PAK5: variants seen among roughly 807,000 people sequenced by gnomAD.
PAK5 encodes p21 (RAC1) activated kinase 5, also known as serine/threonine-protein kinase PAK 5.
Under a neutral mutation model 65.9 loss-of-function variants are expected in PAK5, and 16 were observed. The ratio of observed to expected loss-of-function variants is 0.24; its 90% confidence interval spans 0.16 to 0.37. The LOEUF (loss-of-function observed/expected upper bound fraction) is 0.37. Ranked by LOEUF, PAK5 falls within the 10% of genes least tolerant of loss-of-function variation. The probability of loss-of-function intolerance (pLI) is 1.00; values close to 1 mark genes in which losing one functional copy is unlikely to be tolerated. For synonymous variants in PAK5, 371 were observed against 354.9 expected (o/e 1.05, Z -0.51); for missense variants, 785 against 903.9 (o/e 0.87, Z 1.69).
rs115606741 is a variant in PAK5 at position 9,602,520 on chromosome 20, C to T, written c.205-21590G>A. 8.5e-3 allele frequency among the ~76,000 whole-genome samples: 1,298 copies of T among 152,216 alleles called. 14 individuals carry two copies. Among genetic ancestry groups the T allele is most frequent in the African/African-American group, 0.029 (1,191 of 41,546 alleles). On this transcript the variant is annotated intron_variant, in intron 3 of 9. Transcript: ENST00000353224. ...TGTCATGAATTAATTATCTTTATGG[C>T]TAGTGCTTCAGGCTGATTCGTCAGT...
intron 2 of PAK5, among the ~76,000 whole-genome samples, chr20:9,686,683 A>G (rs2047724173): frequency 6.6e-6 from 1 of 152,154 alleles, no homozygotes; most frequent in African/African-American, 2.4e-5. Flanking sequence ...GGAGGCCTCA[A>G]CATCTTTTGT....
chr20:9,629,580 T>C lies in PAK5; in HGVS notation c.204+14545A>G, dbSNP rs572681430. Among the ~76,000 whole-genome samples, 19 of 152,288 alleles carry C rather than the reference T, an allele frequency of 1.2e-4. No homozygotes were observed. In the South Asian group the frequency reaches 2.9e-3, roughly 23 times the overall value. On this transcript the variant is annotated intron_variant, in intron 3 of 9. Transcript: ENST00000353224. Reference sequence around the variant, plus strand: ...CTCAAGTGATCCTCCTGCCTTGGCCTCTCAAAGCGCTGGGATTACAGGTGT... The same window carrying C: ...CTCAAGTGATCCTCCTGCCTTGGCCCCTCAAAGCGCTGGGATTACAGGTGT...
chr20:9,687,277 T>C (rs535705428), intron 2 of PAK5, among the ~76,000 whole-genome samples: 1 of 152,374 alleles, frequency 6.6e-6, no homozygotes, highest in South Asian at 2.1e-4. Flanking sequence ...CGTATTTTTC[T>C]TTTTAGATAC....
intron 1 of PAK5, among the ~76,000 whole-genome samples, chr20:9,770,317 G>A (rs1285131067): frequency 6.6e-6 from 1 of 152,096 alleles, no homozygotes; most frequent in Non-Finnish European, 1.5e-5. Context: ...TCATTCTGAT[G>A]GCTTCTATTT....
At chr20:9,798,488 AT>A (rs1379031410) in intron 1 of PAK5, among the ~76,000 whole-genome samples, 1 of 152,102 alleles carries the variant, frequency 6.6e-6, no homozygotes, top group African/African-American at 2.4e-5. Context: ...TGATTTACAG[AT>A]TTGTGATAAG....
rs2045190789 is a variant in PAK5 at position 9,537,547 on chromosome 20, C to T, written c.*1915G>A. 1 of 208,084 alleles carries T rather than the reference C, an allele frequency of 4.8e-6. No individual in the cohort carries two copies. Among genetic ancestry groups the T allele is most frequent in the Non-Finnish European group, 9.8e-6 (1 of 102,020 alleles). 12.9% of individuals were successfully genotyped at this position (208,084 alleles called of 1,614,324 possible). ...TACAGAAAAATTTCCATTACACTGT[C>T]GAAAATGTTTGGAATCCAAAATCCA... On this transcript the variant is annotated 3_prime_UTR_variant, in exon 10 of 10. Transcript: ENST00000353224.
chr20:9,726,480 G>A (rs2048278948), intron 1 of PAK5, among the ~76,000 whole-genome samples: 1 of 152,220 alleles, frequency 6.6e-6, no homozygotes, highest in South Asian at 2.1e-4. Flanking sequence ...CATCTACCTT[G>A]GGTGTTGTGT....
chr20:9,627,953 G>A (rs2046869921), intron 3 of PAK5, among the ~76,000 whole-genome samples: 1 of 152,138 alleles, frequency 6.6e-6, no homozygotes, highest in South Asian at 2.1e-4. Flanking sequence ...TAAGAACTCT[G>A]AGAACTCACA....
chr20:9,581,030 G>A (rs1030905493), intron 3 of PAK5, 100 bp from the exon 4 acceptor site: 2 of 821,154 alleles, frequency 2.4e-6, no homozygotes, highest in African/African-American at 3.4e-5. Context: ...AACTACAGAA[G>A]AAAAAAGACC....
At chr20:9,805,973 A>G (rs1320651735) in intron 1 of PAK5, among the ~76,000 whole-genome samples, 1 of 151,952 alleles carries the variant, frequency 6.6e-6, no homozygotes, top group East Asian at 1.9e-4. Context: ...AAGATTTTAC[A>G]TCTGTTTTTG....
intron 1 of PAK5, among the ~76,000 whole-genome samples, chr20:9,768,318 T>C (rs1225258491): frequency 6.6e-6 from 1 of 151,702 alleles, no homozygotes; most frequent in Non-Finnish European, 1.5e-5. Flanking sequence ...GACATAAACA[T>C]AGGAACGATA....
At chr20:9,771,582 A>ATTTTTTTTTTTTTTTTTTG in intron 1 of PAK5, among the ~76,000 whole-genome samples, 1 of 109,756 alleles carries the variant, frequency 9.1e-6, no homozygotes, top group Non-Finnish European at 1.8e-5. Context: ...CAATTTTTTA[A>ATTTTTTTTTTTTTTTTTTG]TTTTTTTTTT....
intron 2 of PAK5, among the ~76,000 whole-genome samples, chr20:9,652,901 C>T (rs1459133533): frequency 6.6e-6 from 1 of 152,160 alleles, no homozygotes; most frequent in Non-Finnish European, 1.5e-5. Context: ...TGGATCTTAC[C>T]TGTCTGCTGG....
At chr20:9,653,781 T>A (rs1000013323) in intron 2 of PAK5, among the ~76,000 whole-genome samples, 1 of 152,106 alleles carries the variant, frequency 6.6e-6, no homozygotes, top group Admixed American at 6.6e-5. Context: ...AACATGAGTC[T>A]CACCTGGTAA....
Position 9,566,067 on chromosome 20 carries a change from C to T in PAK5, c.1308G>A (p.Leu436=), listed in dbSNP as rs2045671951. 1 of 1,613,836 alleles carries T rather than the reference C, an allele frequency of 6.2e-7. No homozygotes were observed. The highest frequency in any genetic ancestry group is 8.5e-7 in the Non-Finnish European group (1 of 1,180,004). The change falls in exon 5 of 10, where the codon CTG becomes CTA. Residue 436 remains leucine (L), a synonymous_variant. Coordinates refer to ENST00000353224, the MANE Select transcript of PAK5 (RefSeq NM_177990.4). Reference sequence around the variant, plus strand: ...GGTCTCCTGGGCTGACCACCAGCTGCAGGGCCGCCCGAAACTGTTCATGGG... The same window carrying T: ...GGTCTCCTGGGCTGACCACCAGCTGTAGGGCCGCCCGAAACTGTTCATGGG... ...RVSHEQFRAA[L]QLVVSPGDPR...
At chr20:9,726,715 C>T (rs1415467239) in intron 1 of PAK5, among the ~76,000 whole-genome samples, 8 of 152,030 alleles carry the variant, frequency 5.3e-5, no homozygotes, top group East Asian at 1.9e-4. Flanking sequence ...ACCTAATGCA[C>T]GCAGGGCTTA....
chr20:9,574,065 C>A (rs2045841622), intron 4 of PAK5, among the ~76,000 whole-genome samples: 5 of 152,158 alleles, frequency 3.3e-5, no homozygotes. Flanking sequence ...TTTAACAGGA[C>A]CAGGCTTGGC....
At chr20:9,743,132 C>G (rs529172012) in intron 1 of PAK5, among the ~76,000 whole-genome samples, 2 of 152,234 alleles carry the variant, frequency 1.3e-5, no homozygotes, top group South Asian at 4.2e-4. Flanking sequence ...CCTTGGGAAG[C>G]TGAGGCAGGA....
chr20:9,765,238 A>AT (rs1365648373), intron 1 of PAK5, among the ~76,000 whole-genome samples: 8 of 152,092 alleles, frequency 5.3e-5, no homozygotes, highest in South Asian at 2.1e-4. Flanking sequence ...GAATTTGGGG[A>AT]TTTTTTTTAA....
Sources: gnomAD v4.1 joint callset for allele counts (sites outside exome capture counted in the v4.1 genomes callset) on GRCh38, gnomAD v4.1.1 for gene constraint, MANE v1.5 for transcripts, NCBI Gene and HGNC (gene_info 2026-07-23, HGNC 2026-07-21) for gene names.